The following CDK19 variants were observed in gnomAD, a reference collection of about 807,000 sequenced individuals.
CDK19 encodes the protein cyclin dependent kinase 19, also known as cyclin-dependent kinase 19.
A neutral mutation model predicts 68.3 loss-of-function variants in CDK19; 20 were observed. The observed-to-expected ratio is 0.29, with a 90% CI of 0.21 to 0.43. CDK19 has a LOEUF of 0.43. CDK19 is among the 20% of genes least tolerant of loss of function. The probability of loss-of-function intolerance (pLI) is 1.00; values close to 1 mark genes in which losing one functional copy is unlikely to be tolerated. For missense variants in CDK19, 339 were observed against 623.5 expected (o/e 0.54, Z 4.86); for synonymous variants, 221 against 222.8 (o/e 0.99, Z 0.07).
intron 4 of CDK19, among the ~76,000 whole-genome samples, chr6:110,660,863 G>T (rs1438733736): frequency 1.3e-5 from 2 of 152,198 alleles, no homozygotes; most frequent in Non-Finnish European, 2.9e-5. Flanking sequence ...GGAAAACAGG[G>T]ATGTAAGTTC....
intron 4 of CDK19, among the ~76,000 whole-genome samples, chr6:110,650,986 TGGTTA>T (rs1780925674): frequency 6.6e-6 from 1 of 151,918 alleles, no homozygotes; most frequent in African/African-American, 2.4e-5. Context: ...GTGTTTAGAG[TGGTTA>T]GGAAAAACTT....
intron 3 of CDK19, among the ~76,000 whole-genome samples, chr6:110,668,426 A>G (rs1307369183): frequency 1.3e-5 from 2 of 152,228 alleles, no homozygotes; most frequent in African/African-American, 4.8e-5. Context: ...TTCAGTAATA[A>G]CATTGATTTG....
intron 1 of CDK19, among the ~76,000 whole-genome samples, chr6:110,811,897 A>T (rs1314546418): frequency 2.7e-4 from 40 of 147,460 alleles, no homozygotes; most frequent in East Asian, 2.1e-3. Context: ...TTTTTTTTTT[A>T]AAGTAAAAGA....
Position 110,815,103 on chromosome 6 carries a change from C to G in CDK19, c.34G>C (p.Glu12Gln), listed in dbSNP as rs757584020. ...AACAAATCCTCCACCCGCTCCCGCTCCGCCGCCAGCTTCGCCTTGAAATCA... is the reference window on the plus strand; with the variant it reads ...AACAAATCCTCCACCCGCTCCCGCTGCGCCGCCAGCTTCGCCTTGAAATCA... ...DYDFKAKLAAERERVEDLFEY... is the reference protein window; with the variant it reads ...DYDFKAKLAAQRERVEDLFEY... Residue 12 changes from glutamate to glutamine, a missense_variant, in exon 1 of 13, where the codon GAG becomes CAG. By Grantham distance (29) the Glu-to-Gln change is conservative. Transcript: ENST00000368911. 6 of 1,602,728 alleles carry G rather than the reference C, an allele frequency of 3.7e-6. No individual in the cohort carries two copies. The highest frequency in any genetic ancestry group is 5.1e-6 in the Non-Finnish European group (6 of 1,175,636).
At chr6:110,701,420 C>T (rs549891975) in intron 2 of CDK19, among the ~76,000 whole-genome samples, 245 of 150,240 alleles carry the variant, frequency 1.6e-3, no homozygotes, top group African/African-American at 5.2e-3. Flanking sequence ...AGCATGGTGG[C>T]GGGCGCCAGT....
At chr6:110,750,798 G>A (rs954109127) in intron 1 of CDK19, among the ~76,000 whole-genome samples, 7 of 152,152 alleles carry the variant, frequency 4.6e-5, no homozygotes, top group Non-Finnish European at 1.0e-4. Flanking sequence ...GAAAGAACTG[G>A]AGGGAGGGAG....
At chr6:110,662,401 C>T (rs117185249) in intron 4 of CDK19, among the ~76,000 whole-genome samples, 4,036 of 152,050 alleles carry the variant, frequency 0.027, 81 homozygotes, top group South Asian at 0.083. Flanking sequence ...AAGAAATAGT[C>T]TAACTGATAG....
intron 2 of CDK19, among the ~76,000 whole-genome samples, chr6:110,723,700 G>A (rs970938569): frequency 1.3e-5 from 2 of 152,054 alleles, no homozygotes; most frequent in Admixed American, 6.6e-5. Context: ...GACAATTAAA[G>A]GCCTTTTTAT....
intron 6 of CDK19, among the ~76,000 whole-genome samples, chr6:110,631,749 G>C (rs1779450295): frequency 1.3e-5 from 2 of 152,174 alleles, no homozygotes; most frequent in Non-Finnish European, 2.9e-5. Flanking sequence ...CAGCTACTAA[G>C]TACAAAATAA....
chr6:110,781,837 AATGAAAAAAAAAAAAAAAACCT>A (rs1780848124), intron 1 of CDK19, among the ~76,000 whole-genome samples: 1 of 151,716 alleles, frequency 6.6e-6, no homozygotes. Flanking sequence ...CCCTGTCTCA[AATGAAAAAAAAAAAAAAAACCT>A]ATTCAGAGAT....
In CDK19 at chr6:110,660,784, G is replaced by A. The variant is rs112011461; in HGVS notation, c.456+6650C>T. 5.9e-3 allele frequency among the ~76,000 whole-genome samples: 894 copies of A among 152,276 alleles called. 1 individual carries two copies. Among genetic ancestry groups the A allele is most frequent in the Middle Eastern group, 0.017 (5 of 294 alleles). ...CTCCTCTCTGCCGGCTGAGCCTGAG[G>A]TTTTTATGGGCACAGGATGGGGAGC... On this transcript the variant is annotated intron_variant, in intron 4 of 12. Coordinates refer to ENST00000368911, the MANE Select transcript of CDK19 (RefSeq NM_015076.5).
intron 2 of CDK19, among the ~76,000 whole-genome samples, chr6:110,728,572 T>TA (rs11378068): frequency 0.066 from 9,588 of 144,426 alleles, 347 homozygotes; most frequent in African/African-American, 0.1. Context: ...GTCAGAGTGG[T>TA]AAAAAAAAAA....
At chr6:110,776,574 G>A (rs1373374858) in intron 1 of CDK19, among the ~76,000 whole-genome samples, 1 of 152,178 alleles carries the variant, frequency 6.6e-6, no homozygotes. Flanking sequence ...CTAAATGGCA[G>A]CCAGAAGAGC....
chr6:110,641,362 C>T (rs111639659), intron 4 of CDK19, among the ~76,000 whole-genome samples: 5,330 of 151,992 alleles, frequency 0.035, 127 homozygotes, highest in Middle Eastern at 0.085. Context: ...TTTGGAAGGC[C>T]GAGGTACGTG....
chr6:110,617,627 A>T (rs984954718), intron 12 of CDK19, among the ~76,000 whole-genome samples: 16 of 147,682 alleles, frequency 1.1e-4, no homozygotes, highest in Middle Eastern at 3.5e-3. Flanking sequence ...TTACTTAAAA[A>T]AATAATAATA....
chr6:110,764,201 A>T (rs1779418810), intron 1 of CDK19, among the ~76,000 whole-genome samples: 1 of 152,226 alleles, frequency 6.6e-6, no homozygotes, highest in Admixed American at 6.5e-5. Flanking sequence ...TATAGATACA[A>T]CATAATCCCA....
At chr6:110,804,998 G>A (rs1192926608) in intron 1 of CDK19, among the ~76,000 whole-genome samples, 1 of 151,518 alleles carries the variant, frequency 6.6e-6, no homozygotes, top group African/African-American at 2.4e-5. Flanking sequence ...GGACTTTACA[G>A]GTTTTTATTT....
At chr6:110,785,305 CCA>C (rs907485465) in intron 1 of CDK19, among the ~76,000 whole-genome samples, 2 of 152,118 alleles carry the variant, frequency 1.3e-5, no homozygotes, top group African/African-American at 4.8e-5. Flanking sequence ...GGCGCTTACC[CCA>C]CACACAGTCA....
At chr6:110,717,598 G>A (rs981340424) in intron 2 of CDK19, among the ~76,000 whole-genome samples, 2 of 152,134 alleles carry the variant, frequency 1.3e-5, no homozygotes, top group Non-Finnish European at 2.9e-5. Context: ...AGTCAAAAAG[G>A]AAAATTCCTG....
Sources: allele counts gnomAD v4.1 joint callset (sites outside exome capture counted in the v4.1 genomes callset), GRCh38; gene constraint gnomAD v4.1.1; transcripts MANE v1.5; gene names NCBI Gene and HGNC (gene_info 2026-07-23, HGNC 2026-07-21).